The following SHLD1 variants were observed in gnomAD, a reference collection of about 807,000 sequenced individuals.
The protein encoded by SHLD1 is shieldin complex subunit 1.
A neutral mutation model predicts 5.5 loss-of-function variants in SHLD1; 3 were observed. The observed-to-expected ratio is 0.54, with a 90% confidence interval of 0.25 to 1.40. The LOEUF (loss-of-function observed/expected upper bound fraction) is 1.40, where lower values mean the gene tolerates loss of function less well. Ranked by LOEUF, SHLD1 falls within the 40% of genes most tolerant of loss-of-function variation. The pLI is 0.15. For missense variants in SHLD1, 210 were observed against 244.4 expected (o/e 0.86, Z 0.94); for synonymous variants, 92 against 94.3 (o/e 0.98, Z 0.14).
intron 1 of SHLD1, among the ~76,000 whole-genome samples, chr20:5,750,709 G>T (rs957366890): frequency 6.8e-4 from 103 of 150,984 alleles, no homozygotes; most frequent in African/African-American, 2.4e-3. Context: ...CGGTTTTGTT[G>T]TTTTTTTTTA....
intron 2 of SHLD1, among the ~76,000 whole-genome samples, chr20:5,843,169 T>C (rs1318486159): frequency 2.0e-5 from 3 of 152,216 alleles, no homozygotes; most frequent in African/African-American, 4.8e-5. Context: ...ACTAGACATA[T>C]GAGGGCATGT....
chr20:5,756,673 T>TTTTC (rs201476554), intron 1 of SHLD1: 63 of 153,610 alleles, frequency 4.1e-4, no homozygotes, highest in African/African-American at 1.3e-3. Flanking sequence ...AGGATTTTCA[T>TTTTC]TTTCTTTCTT....
chr20:5,765,870 C>T (rs778396276), intron 1 of SHLD1, among the ~76,000 whole-genome samples: 5 of 145,022 alleles, frequency 3.4e-5, no homozygotes, highest in South Asian at 4.4e-4. Flanking sequence ...CCACCCATCT[C>T]GGGGTCCCAA....
intron 2 of SHLD1, among the ~76,000 whole-genome samples, chr20:5,807,257 A>T (rs970297361): frequency 6.6e-6 from 1 of 152,142 alleles, no homozygotes; most frequent in Non-Finnish European, 1.5e-5. Context: ...TACCCATCCC[A>T]GTTTTCAAAG....
At chr20:5,832,797 TAATAAATAAATAAATAAATAAATAAATA>T (rs56210743) in intron 2 of SHLD1, among the ~76,000 whole-genome samples, 2 of 143,782 alleles carry the variant, frequency 1.4e-5, no homozygotes, top group Admixed American at 7.0e-5. Context: ...GAAATCAAAA[TAATAAATAAATAAATAAATAAATAAATA>T]AATAAATAAA....
intron 2 of SHLD1, among the ~76,000 whole-genome samples, chr20:5,783,303 C>A (rs1203677748): frequency 6.6e-6 from 1 of 152,156 alleles, no homozygotes; most frequent in Non-Finnish European, 1.5e-5. Context: ...CGGCTCACTG[C>A]GACCTCCGCC....
At chr20:5,758,706 A>C (rs746674145) in intron 1 of SHLD1, among the ~76,000 whole-genome samples, 91 of 152,214 alleles carry the variant, frequency 6.0e-4, no homozygotes, top group Non-Finnish European at 7.4e-4. Context: ...GGTGTGAGCC[A>C]CTGCACCTGG....
At chr20:5,849,347 G>GT (rs2087971052) in intron 2 of SHLD1, among the ~76,000 whole-genome samples, 3 of 152,176 alleles carry the variant, frequency 2.0e-5, no homozygotes, top group Non-Finnish European at 4.4e-5. Flanking sequence ...CTAGGAAGTG[G>GT]GAGAAATGCC....
At chr20:5,817,274 G>A (rs1453961338) in intron 2 of SHLD1, among the ~76,000 whole-genome samples, 1 of 152,082 alleles carries the variant, frequency 6.6e-6, no homozygotes, top group Non-Finnish European at 1.5e-5. Flanking sequence ...TTACATTGTA[G>A]AGTGTCTGTA....
At chr20:5,837,223 C>T (rs1157364859) in intron 2 of SHLD1, among the ~76,000 whole-genome samples, 4 of 152,212 alleles carry the variant, frequency 2.6e-5, no homozygotes, top group Admixed American at 2.6e-4. Flanking sequence ...GACTCTTGAA[C>T]AACAGAGGGG....
At chr20:5,761,064 G>A (rs1159641721) in intron 1 of SHLD1, among the ~76,000 whole-genome samples, 1 of 152,104 alleles carries the variant, frequency 6.6e-6, no homozygotes, top group Non-Finnish European at 1.5e-5. Context: ...AAGGATGAAA[G>A]AAGCTGCAGC....
intron 2 of SHLD1, 102 bp downstream of exon 2, chr20:5,773,145 A>T: frequency 7.6e-7 from 1 of 1,322,816 alleles, no homozygotes; most frequent in Non-Finnish European, 1.1e-6. Context: ...ATCTCTGAGA[A>T]TGCTTCATTG....
chr20:5,767,694 T>C (rs1218857672), intron 1 of SHLD1, among the ~76,000 whole-genome samples: 1 of 152,238 alleles, frequency 6.6e-6, no homozygotes, highest in African/African-American at 2.4e-5. Context: ...CCCATGGCAC[T>C]CATGACACCT....
chr20:5,820,976 A>G (rs987643777), intron 2 of SHLD1, among the ~76,000 whole-genome samples: 2 of 152,204 alleles, frequency 1.3e-5, no homozygotes, highest in Non-Finnish European at 2.9e-5. Flanking sequence ...CAGTTCCCCT[A>G]AAGTCCCATA....
intron 2 of SHLD1, among the ~76,000 whole-genome samples, chr20:5,779,964 CA>C (rs1985612236): frequency 7.2e-6 from 1 of 138,966 alleles, no homozygotes; most frequent in Non-Finnish European, 1.6e-5. Context: ...ATAGTTTTTA[CA>C]ATTTCTGTTT....
At chr20:5,777,473 C>T (rs779583018) in intron 2 of SHLD1, among the ~76,000 whole-genome samples, 7 of 151,980 alleles carry the variant, frequency 4.6e-5, no homozygotes, top group African/African-American at 9.7e-5. Flanking sequence ...TATGATCCTG[C>T]TTTGTTGCCC....
chr20:5,823,743 C>T (rs1166087829), intron 2 of SHLD1, among the ~76,000 whole-genome samples: 1 of 152,092 alleles, frequency 6.6e-6, no homozygotes, highest in Non-Finnish European at 1.5e-5. Context: ...TCACCGCGCC[C>T]AGCCAAAAAT....
At chr20:5,758,523 A>T (rs2034815593) in intron 1 of SHLD1, among the ~76,000 whole-genome samples, 1 of 151,584 alleles carries the variant, frequency 6.6e-6, no homozygotes, top group African/African-American at 2.4e-5. Flanking sequence ...AGTTCAAGTG[A>T]TTCTCCTGCC....
chr20:5,862,573 G>T (rs1194283143), intron 2 of SHLD1, among the ~76,000 whole-genome samples: 1 of 152,236 alleles, frequency 6.6e-6, no homozygotes, highest in Non-Finnish European at 1.5e-5. Flanking sequence ...CACCTTCCCA[G>T]TTTGGGGGTG....
Sources: gnomAD v4.1 joint callset for allele counts (sites outside exome capture counted in the v4.1 genomes callset) on GRCh38, gnomAD v4.1.1 for gene constraint, MANE v1.5 for transcripts, NCBI Gene and HGNC (gene_info 2026-07-23, HGNC 2026-07-21) for gene names.